CSMD1: variants seen among roughly 807,000 people sequenced by gnomAD.
The protein encoded by CSMD1 is CUB and sushi domain-containing protein 1.
Under a neutral mutation model 417.5 loss-of-function variants are expected in CSMD1, and 213 were observed. That is an observed-to-expected ratio of 0.51 (90% CI 0.46 to 0.57). CSMD1 has a LOEUF of 0.57. Among genes scored for constraint, CSMD1 ranks in the 20% least tolerant of loss-of-function variants. The pLI is 0.00. For synonymous variants in CSMD1, 2,862 were observed against 1,736.8 expected (o/e 1.65, Z -16.11); for missense variants, 6,923 against 4,529.7 (o/e 1.53, Z -15.17).
chr8:3,663,122 G>C (rs1291195418), intron 7 of CSMD1, among the ~76,000 whole-genome samples: 2 of 152,138 alleles, frequency 1.3e-5, no homozygotes, highest in African/African-American at 4.8e-5. Flanking sequence ...TGAAGCAGTG[G>C]GGGCCTCAGG....
At chr8:4,934,866 C>T (rs1220390163) in intron 1 of CSMD1, among the ~76,000 whole-genome samples, 1 of 152,134 alleles carries the variant, frequency 6.6e-6, no homozygotes, top group Non-Finnish European at 1.5e-5. Flanking sequence ...TCTAACTATA[C>T]TACATCAATC....
In CSMD1 at chr8:4,934,482, A is replaced by C. The variant is rs995296045; in HGVS notation, c.85+59850T>G. Among the ~76,000 whole-genome samples, 20 of 152,324 alleles carry C rather than the reference A, an allele frequency of 1.3e-4. No individual in the cohort carries two copies. The East Asian group carries it at 3.9e-3, about 29-fold the overall frequency. ...ACATCAACACTCCACTGAGTTATAGAAAATACGAAGAGCTTATCAGAGAGA... is the reference window on the plus strand; with the variant it reads ...ACATCAACACTCCACTGAGTTATAGCAAATACGAAGAGCTTATCAGAGAGA... On this transcript the variant is annotated intron_variant, in intron 1 of 69. Transcript: ENST00000635120.
chr8:4,298,087 C>G (rs916550925), intron 3 of CSMD1, among the ~76,000 whole-genome samples: 1 of 152,030 alleles, frequency 6.6e-6, no homozygotes, highest in Non-Finnish European at 1.5e-5. Context: ...GGTGAAAACC[C>G]AGGGTATAAA....
chr8:4,090,821 G>A (rs556834582), intron 3 of CSMD1, among the ~76,000 whole-genome samples: 4 of 151,932 alleles, frequency 2.6e-5, no homozygotes, highest in Non-Finnish European at 4.4e-5. Context: ...TCTTTAAGTC[G>A]AATGAAAAAA....
chr8:3,444,004 G>C (rs1435043135), intron 12 of CSMD1, among the ~76,000 whole-genome samples: 1 of 152,052 alleles, frequency 6.6e-6, no homozygotes, highest in Non-Finnish European at 1.5e-5. Context: ...GAAGACATGA[G>C]AAAAAACCTT....
chr8:4,731,459 G>T (rs139102976), intron 1 of CSMD1, among the ~76,000 whole-genome samples: 24 of 152,228 alleles, frequency 1.6e-4, no homozygotes, highest in Admixed American at 5.2e-4. Flanking sequence ...ATTTCAACTT[G>T]AAACAACTTG....
intron 2 of CSMD1, among the ~76,000 whole-genome samples, chr8:4,424,134 A>G (rs1440604710): frequency 2.0e-5 from 3 of 152,044 alleles, no homozygotes; most frequent in African/African-American, 4.8e-5. Context: ...CTAGGGCTAG[A>G]CAGAGTTTCT....
At chr8:3,984,454 A>G (rs534160106) in intron 5 of CSMD1, among the ~76,000 whole-genome samples, 1 of 152,002 alleles carries the variant, frequency 6.6e-6, no homozygotes, top group South Asian at 2.1e-4. Flanking sequence ...GCACATTGAT[A>G]TATGTTTCTA....
intron 3 of CSMD1, among the ~76,000 whole-genome samples, chr8:4,182,467 T>C (rs2656296): frequency 0.98 from 148,895 of 152,226 alleles, 72,889 homozygotes; most frequent in East Asian, 1. Flanking sequence ...TAAAACATTG[T>C]TTTAATAATC....
At chr8:4,541,047 CGATT>C (rs1235311098) in intron 2 of CSMD1, among the ~76,000 whole-genome samples, 2 of 152,128 alleles carry the variant, frequency 1.3e-5, no homozygotes, top group Admixed American at 1.3e-4. Context: ...TTCACAAACT[CGATT>C]GTTAGAAACT....
At chr8:4,913,358 G>A (rs7834091) in intron 1 of CSMD1, among the ~76,000 whole-genome samples, 11,013 of 152,160 alleles carry the variant, frequency 0.072, 470 homozygotes, top group African/African-American at 0.084. Context: ...CCCTTAAAAT[G>A]TTTCTGGCGG....
chr8:4,427,800 C>G (rs17070269), intron 2 of CSMD1, among the ~76,000 whole-genome samples: 12,150 of 152,050 alleles, frequency 0.08, 627 homozygotes, highest in East Asian at 0.14. Flanking sequence ...AATGTATAAC[C>G]CATACAAATA....
chr8:3,470,041 T>A (rs1328439695), intron 11 of CSMD1, among the ~76,000 whole-genome samples: 1 of 152,134 alleles, frequency 6.6e-6, no homozygotes, highest in African/African-American at 2.4e-5. Context: ...TCTAACTCTA[T>A]GAATTTTTAC....
At chr8:3,289,001 G>A (rs13277010) in intron 25 of CSMD1, among the ~76,000 whole-genome samples, 15,190 of 139,450 alleles carry the variant, frequency 0.11, 1,328 homozygotes, top group Non-Finnish European at 0.15. Flanking sequence ...AACAGTCCCC[G>A]GTGTGTGATG....
intron 5 of CSMD1, among the ~76,000 whole-genome samples, chr8:3,946,059 T>C (rs540930894): frequency 6.6e-6 from 1 of 152,180 alleles, no homozygotes; most frequent in Non-Finnish European, 1.5e-5. Flanking sequence ...TTTCTTTCAA[T>C]ACTAACGTAA....
chr8:3,936,981 T>C (rs2129717405), intron 5 of CSMD1, among the ~76,000 whole-genome samples: 1 of 152,256 alleles, frequency 6.6e-6, no homozygotes, highest in East Asian at 1.9e-4. Context: ...AGAAGTTGAT[T>C]TCAATCCTCG....
At chr8:4,208,900 C>G (rs941980515) in intron 3 of CSMD1, among the ~76,000 whole-genome samples, 1 of 152,008 alleles carries the variant, frequency 6.6e-6, no homozygotes, top group African/African-American at 2.4e-5. Flanking sequence ...TCTTAAATTT[C>G]TTTTTATATA....
At chr8:4,834,815 G>A (rs1002779488) in intron 1 of CSMD1, among the ~76,000 whole-genome samples, 2 of 151,484 alleles carry the variant, frequency 1.3e-5, no homozygotes, top group East Asian at 3.9e-4. Context: ...AAATTAGCCG[G>A]GCGTGGTGGT....
chr8:3,737,871 A>C (rs1796603760), intron 6 of CSMD1, among the ~76,000 whole-genome samples: 1 of 152,238 alleles, frequency 6.6e-6, no homozygotes, highest in East Asian at 1.9e-4. Flanking sequence ...AGCCTTATTT[A>C]GTCTTTGCCC....
Sources: allele counts gnomAD v4.1 joint callset (sites outside exome capture counted in the v4.1 genomes callset), GRCh38; gene constraint gnomAD v4.1.1; transcripts MANE v1.5; gene names NCBI Gene and HGNC (gene_info 2026-07-23, HGNC 2026-07-21).